Variants in FHOD3 observed in about 807,000 individuals in gnomAD.
FHOD3 encodes formin homology 2 domain containing 3.
A neutral mutation model predicts 173.0 loss-of-function variants in FHOD3; 90 were observed. That is an observed-to-expected ratio of 0.52 (90% CI 0.44 to 0.62). The LOEUF is 0.62. Among genes scored for constraint, FHOD3 ranks in the 20% least tolerant of loss-of-function variants. FHOD3 has a pLI of 0.00. For synonymous variants in FHOD3, 828 were observed against 823.0 expected, an observed-to-expected ratio of 1.01 and a Z score of -0.10; for missense variants, 1,945 against 2,034.7, an observed-to-expected ratio of 0.96 and a Z score of 0.85.
chr18:36,641,427 G>C (rs2035298518), intron 10 of FHOD3, among the ~76,000 whole-genome samples: 1 of 152,206 alleles, frequency 6.6e-6, no homozygotes, highest in Non-Finnish European at 1.5e-5. Flanking sequence ...TTGCACAAGG[G>C]AATGTCATGT....
intron 2 of FHOD3, among the ~76,000 whole-genome samples, chr18:36,368,425 A>G (rs142683803): frequency 0.01 from 1,530 of 152,246 alleles, 16 homozygotes; most frequent in Non-Finnish European, 0.015. Context: ...AGAATGAGGG[A>G]ATGAATGAGA....
At chr18:36,327,541 TAAAGAA>T (rs1232643056) in intron 1 of FHOD3, among the ~76,000 whole-genome samples, 1 of 152,222 alleles carries the variant, frequency 6.6e-6, no homozygotes, top group African/African-American at 2.4e-5. Flanking sequence ...ACTTCACTGA[TAAAGAA>T]GAAGAGCATC....
At chr18:36,301,447 T>A (rs1370982618) in intron 1 of FHOD3, among the ~76,000 whole-genome samples, 3 of 152,214 alleles carry the variant, frequency 2.0e-5, no homozygotes, top group African/African-American at 7.2e-5. Flanking sequence ...TTCATCTGCT[T>A]ATAGTAGTTC....
rs1282235989 is a variant in FHOD3 at position 36,347,946 on chromosome 18, A to T, written c.166-7593A>T. 4.6e-5 allele frequency among the ~76,000 whole-genome samples: 7 copies of T among 152,396 alleles called. No individual in the cohort carries two copies. The South Asian group carries it at 8.3e-4, about 18-fold the overall frequency. ...TGAAGGTTAATGAAATGAATACCAC[A>T]TTCTCACTATCACCTTAGGAAATAG... On this transcript the variant is annotated intron_variant, in intron 1 of 28. Coordinates refer to ENST00000590592, the MANE Select transcript of FHOD3 (RefSeq NM_001281740.3).
intron 23 of FHOD3, 27 bp from the exon 24 acceptor site, chr18:36,746,918 T>C: frequency 6.4e-7 from 1 of 1,571,274 alleles, no homozygotes; most frequent in Non-Finnish European, 8.6e-7. Context: ...GTTTCAGTGT[T>C]TGCAGTGTTC....
intron 7 of FHOD3, among the ~76,000 whole-genome samples, chr18:36,597,817 A>G (rs888202336): frequency 1.3e-5 from 2 of 152,138 alleles, no homozygotes; most frequent in African/African-American, 4.8e-5. Context: ...AAAAAAAAAA[A>G]AAAAGGAATG....
At chr18:36,581,802 G>A (rs997588493) in intron 6 of FHOD3, among the ~76,000 whole-genome samples, 8 of 152,182 alleles carry the variant, frequency 5.3e-5, no homozygotes, top group African/African-American at 7.2e-5. Context: ...CTGAAAGTTT[G>A]TTTAGGACTG....
At chr18:36,503,136 C>T (rs1192220228) in intron 4 of FHOD3, among the ~76,000 whole-genome samples, 1 of 152,098 alleles carries the variant, frequency 6.6e-6, no homozygotes, top group Non-Finnish European at 1.5e-5. Flanking sequence ...CTGAGAAAGT[C>T]ACCAACATAA....
intron 3 of FHOD3, among the ~76,000 whole-genome samples, chr18:36,391,024 G>A (rs2048278591): frequency 6.6e-6 from 1 of 152,298 alleles, no homozygotes; most frequent in South Asian, 2.1e-4. Context: ...CGTTGTCTCC[G>A]ATGGGTAATT....
chr18:36,661,809 A>G (rs1035175946), intron 14 of FHOD3, among the ~76,000 whole-genome samples: 2 of 152,332 alleles, frequency 1.3e-5, no homozygotes, highest in African/African-American at 4.8e-5. Context: ...ATCCATCTCC[A>G]TATCTCCTAT....
intron 3 of FHOD3, among the ~76,000 whole-genome samples, chr18:36,392,820 G>C (rs2048366723): frequency 6.6e-6 from 1 of 152,310 alleles, no homozygotes; most frequent in Middle Eastern, 3.4e-3. Flanking sequence ...TGGAGATTAG[G>C]CTTTCATTAT....
intron 17 of FHOD3, among the ~76,000 whole-genome samples, chr18:36,704,624 C>A (rs141717790): frequency 2.0e-5 from 3 of 152,180 alleles, no homozygotes; most frequent in Admixed American, 2.0e-4. Context: ...GCATTACATG[C>A]TGGGGAAGGG....
chr18:36,420,959 C>G (rs1033934841), intron 3 of FHOD3, among the ~76,000 whole-genome samples: 3 of 152,184 alleles, frequency 2.0e-5, no homozygotes, highest in African/African-American at 4.8e-5. Flanking sequence ...ATCACTGTCT[C>G]TTTCACCCCC....
intron 5 of FHOD3, among the ~76,000 whole-genome samples, chr18:36,563,039 C>T (rs966002486): frequency 1.3e-4 from 20 of 152,296 alleles, no homozygotes; most frequent in African/African-American, 4.3e-4. Flanking sequence ...GGCTCAGCAA[C>T]GAGTCCCCTC....
intron 3 of FHOD3, 121 bp from the exon 4 acceptor site, chr18:36,501,811 G>T: frequency 1.5e-6 from 1 of 662,152 alleles, no homozygotes; most frequent in South Asian, 2.4e-5. Flanking sequence ...TATCCTGAAT[G>T]AAATGAATAG....
chr18:36,734,472 C>T (rs1303080881), intron 20 of FHOD3, among the ~76,000 whole-genome samples: 2 of 152,052 alleles, frequency 1.3e-5, no homozygotes, highest in Non-Finnish European at 2.9e-5. Context: ...CTAAAGGCTG[C>T]CTGTGTGAAT....
chr18:36,393,244 G>A (rs1009646022), intron 3 of FHOD3, among the ~76,000 whole-genome samples: 1 of 152,208 alleles, frequency 6.6e-6, no homozygotes, highest in Non-Finnish European at 1.5e-5. Flanking sequence ...TCTGAATCTG[G>A]TGTGGCATGC....
intron 13 of FHOD3, among the ~76,000 whole-genome samples, chr18:36,655,796 A>G (rs936472209): frequency 6.6e-6 from 1 of 152,084 alleles, no homozygotes; most frequent in Non-Finnish European, 1.5e-5. Context: ...AGTGAGTTGT[A>G]TGATCTAGTT....
At chr18:36,634,517 T>C (rs371056450) in intron 10 of FHOD3, among the ~76,000 whole-genome samples, 11 of 152,248 alleles carry the variant, frequency 7.2e-5, no homozygotes, top group African/African-American at 1.7e-4. Context: ...TTGGAAGCAG[T>C]TGGCAATGAG....
Sources: gnomAD v4.1 joint callset for allele counts (sites outside exome capture counted in the v4.1 genomes callset) on GRCh38, gnomAD v4.1.1 for gene constraint, MANE v1.5 for transcripts, NCBI Gene and HGNC (gene_info 2026-07-23, HGNC 2026-07-21) for gene names.